Variants in DCAF6 observed in about 807,000 individuals in gnomAD.
DCAF6 encodes the protein DDB1- and CUL4-associated factor 6.
A neutral mutation model predicts 125.1 loss-of-function variants in DCAF6; 54 were observed. The ratio of observed to expected loss-of-function variants is 0.43; its 90% confidence interval spans 0.35 to 0.54. The LOEUF (loss-of-function observed/expected upper bound fraction) is 0.54, where lower values mean the gene tolerates loss of function less well. DCAF6 is among the 20% of genes least tolerant of loss of function. The pLI is 0.01. For missense variants in DCAF6, 934 were observed against 1,161.7 expected (o/e 0.80, Z 2.85); for synonymous variants, 371 against 390.4 (o/e 0.95, Z 0.58).
At chr1:167,904,090 T>C in the DCAF6 span, 2 of 689,840 alleles carry the variant, frequency 2.9e-6, no homozygotes, top group Non-Finnish European at 2.4e-6. Context: ...AGCTTTTTTT[T>C]TTTTTTTTTT....
rs200444622 is a variant in DCAF6 at position 167,993,452 on chromosome 1, C to A, written c.903+12C>A. 1.9e-6 allele frequency: 3 copies of A among 1,611,134 alleles called. No individual in the cohort carries two copies. The highest frequency in any genetic ancestry group is 2.5e-6 in the Non-Finnish European group (3 of 1,177,496). On this transcript the variant is annotated intron_variant, in intron 7 of 21. Coordinates refer to ENST00000367840, the MANE Select transcript of DCAF6 (RefSeq NM_001198956.2). ...AGAGAAGAGAAGAGGTAGGTTTACT[C>A]AAAACCATGTCCTTTGGCCGGGCGC...
intron 12 of DCAF6, among the ~76,000 whole-genome samples, chr1:168,034,897 A>AT (rs1290215024): frequency 1.3e-5 from 2 of 151,986 alleles, no homozygotes; most frequent in Non-Finnish European, 1.5e-5. Context: ...AATAGTTACA[A>AT]TTTTTTTTCA....
the DCAF6 span, among the ~76,000 whole-genome samples, chr1:167,885,446 C>T: frequency 4.7e-3 from 717 of 152,192 alleles, 9 homozygotes; most frequent in East Asian, 0.059. Flanking sequence ...TCCTGTCCAG[C>T]GTTTGTTATT....
At chr1:168,033,439 C>A (rs1446795345) in intron 12 of DCAF6, among the ~76,000 whole-genome samples, 1 of 151,870 alleles carries the variant, frequency 6.6e-6, no homozygotes, top group Non-Finnish European at 1.5e-5. Flanking sequence ...CCTCAGCCTC[C>A]CGAGTAGCTG....
intron 4 of DCAF6, among the ~76,000 whole-genome samples, chr1:167,979,512 A>C (rs1678777326): frequency 6.6e-6 from 1 of 152,200 alleles, no homozygotes; most frequent in Non-Finnish European, 1.5e-5. Context: ...TAGCATGATC[A>C]TATTGTAGCA....
intron 17 of DCAF6, among the ~76,000 whole-genome samples, chr1:168,058,080 G>C (rs901858686): frequency 1.3e-5 from 2 of 152,094 alleles, no homozygotes; most frequent in Non-Finnish European, 2.9e-5. Flanking sequence ...ATGTCATACT[G>C]TATACAAGAC....
chr1:167,873,143 AAAG>A, the DCAF6 span, among the ~76,000 whole-genome samples: 1 of 152,116 alleles, frequency 6.6e-6, no homozygotes, highest in East Asian at 1.9e-4. Flanking sequence ...AATCTTGTAG[AAAG>A]AAGGTTAGGA....
intron 11 of DCAF6, among the ~76,000 whole-genome samples, chr1:168,020,128 A>G (rs1488270529): frequency 6.6e-6 from 1 of 152,200 alleles, no homozygotes; most frequent in Non-Finnish European, 1.5e-5. Context: ...GTAATGATAA[A>G]CATTAAATGA....
intron 12 of DCAF6, among the ~76,000 whole-genome samples, chr1:168,024,285 T>C (rs1356262213): frequency 6.6e-6 from 1 of 151,802 alleles, no homozygotes; most frequent in Non-Finnish European, 1.5e-5. Context: ...TTACAAATGT[T>C]CCTTTCAAAA....
chr1:167,898,678 A>C, the DCAF6 span, among the ~76,000 whole-genome samples: 1 of 151,938 alleles, frequency 6.6e-6, no homozygotes, highest in Non-Finnish European at 1.5e-5. Context: ...CAGGCTGGAT[A>C]TGTCTTGCTG....
chr1:167,949,437 G>T (rs1414504983), intron 1 of DCAF6, among the ~76,000 whole-genome samples: 1 of 152,186 alleles, frequency 6.6e-6, no homozygotes, highest in Non-Finnish European at 1.5e-5. Flanking sequence ...GGACAAATTT[G>T]TTGTTCAGTT....
At chr1:167,904,976 A>G in the DCAF6 span, 2 of 1,614,222 alleles carry the variant, frequency 1.2e-6, no homozygotes, top group Non-Finnish European at 8.5e-7. Context: ...TTAAACAAAC[A>G]TCCCTTTTGC....
chr1:167,978,316 C>A (rs557353515), intron 4 of DCAF6, among the ~76,000 whole-genome samples: 1 of 152,276 alleles, frequency 6.6e-6, no homozygotes, highest in South Asian at 2.1e-4. Context: ...AGTGTAGTAA[C>A]GACTTACATT....
chr1:168,014,782 C>T (rs893008681), intron 10 of DCAF6, among the ~76,000 whole-genome samples: 1 of 152,182 alleles, frequency 6.6e-6, no homozygotes, highest in East Asian at 1.9e-4. Context: ...CTCTTTTCTC[C>T]ACCTGGAACA....
At chr1:168,025,604 A>G (rs1361264186) in intron 12 of DCAF6, among the ~76,000 whole-genome samples, 1 of 152,168 alleles carries the variant, frequency 6.6e-6, no homozygotes, top group Non-Finnish European at 1.5e-5. Flanking sequence ...TAACTTTTAA[A>G]GTACTAGGAA....
At chr1:168,066,064 T>G (rs1468721954) in intron 19 of DCAF6, among the ~76,000 whole-genome samples, 2 of 152,232 alleles carry the variant, frequency 1.3e-5, no homozygotes, top group Non-Finnish European at 2.9e-5. Context: ...AGTCTTCACA[T>G]AGCTGAATTA....
At chr1:167,927,117 C>CTTTG in the DCAF6 span, among the ~76,000 whole-genome samples, 1 of 152,216 alleles carries the variant, frequency 6.6e-6, no homozygotes, top group Admixed American at 6.5e-5. Context: ...AGATGCTAAT[C>CTTTG]AAAGATATTC....
the DCAF6 span, chr1:167,904,081 G>GATTTTTTT: frequency 2.0e-6 from 1 of 501,784 alleles, no homozygotes; most frequent in Non-Finnish European, 3.4e-6. Flanking sequence ...GCGGGCCTCA[G>GATTTTTTT]CTTTTTTTTT....
chr1:167,983,720 C>A (rs1230910562), intron 4 of DCAF6, among the ~76,000 whole-genome samples: 2 of 152,180 alleles, frequency 1.3e-5, no homozygotes, highest in Non-Finnish European at 2.9e-5. Context: ...CTATTAATGT[C>A]TAATTCTTAC....
Sources: allele counts gnomAD v4.1 joint callset (sites outside exome capture counted in the v4.1 genomes callset), GRCh38; gene constraint gnomAD v4.1.1; transcripts MANE v1.5; gene names NCBI Gene and HGNC (gene_info 2026-07-23, HGNC 2026-07-21).